The following NIPBL variants were observed in gnomAD, a reference collection of about 807,000 sequenced individuals.
NIPBL encodes nipped-B-like protein.
Under a neutral mutation model 321.8 loss-of-function variants are expected in NIPBL, and 19 were observed. That is an observed-to-expected ratio of 0.06 (90% CI 0.04 to 0.09). The LOEUF (loss-of-function observed/expected upper bound fraction) is 0.09. Among genes scored for constraint, NIPBL ranks in the 10% least tolerant of loss-of-function variants. NIPBL has a pLI of 1.00. For missense variants in NIPBL, 2,210 were observed against 3,327.0 expected, an observed-to-expected ratio of 0.66 and a Z score of 8.26; for synonymous variants, 1,106 against 1,114.1, an observed-to-expected ratio of 0.99 and a Z score of 0.14.
rs1453938230 is a variant in NIPBL, at chr5:36,985,823, ATCT to A, written c.2647_2649del (p.Ser883del). On this transcript the variant is annotated inframe_deletion, in exon 10 of 47. Coordinates refer to ENST00000282516, the MANE Select transcript of NIPBL (RefSeq NM_133433.4). ...AATCAGGGGACTCAAGGGAAAGACC[ATCT>A]TCTGGGGAACAAAAATCAAGACCTG... 6.2e-7 allele frequency: 1 copy of A among 1,613,966 alleles called. No individual in the cohort carries two copies. Among genetic ancestry groups the A allele is most frequent in the African/African-American group, 1.3e-5 (1 of 75,050 alleles).
rs764147606 is a variant in NIPBL at position 37,051,812 on chromosome 5, C to G, written c.6988C>G (p.Pro2330Ala). The G allele has an allele frequency of 2.5e-5, 41 of 1,613,316 alleles. No homozygotes were observed. Among genetic ancestry groups the G allele is most frequent in the Non-Finnish European group, 3.5e-5 (41 of 1,179,768 alleles). The change falls in exon 41 of 47, where the codon CCA becomes GCA. Residue 2330 changes from proline to alanine, a missense_variant. Physicochemically the swap from Pro to Ala is conservative, Grantham distance 27. This residue lies in a region of NIPBL where 112 missense variants were observed against 288.3 expected (regional missense o/e 0.39). Transcript: ENST00000282516. ...VPYLIAMGTD[P>A]EPAMRNKADQ... Reference sequence around the variant, plus strand: ...ATATTTAATTGCTATGGGCACAGACCCAGAACCTGCTATGCGGAACAAGGC... The same window carrying G: ...ATATTTAATTGCTATGGGCACAGACGCAGAACCTGCTATGCGGAACAAGGC...
chr5:36,922,555 T>A (rs953178515), intron 1 of NIPBL, among the ~76,000 whole-genome samples: 1 of 152,178 alleles, frequency 6.6e-6, no homozygotes, highest in African/African-American at 2.4e-5. Flanking sequence ...GCATACTGGA[T>A]ACTTATTTCT....
At chr5:36,885,281 G>T in intron 1 of NIPBL, 1 of 506,056 alleles carries the variant, frequency 2.0e-6, no homozygotes, top group Non-Finnish European at 4.0e-6. Context: ...CAGCTATGGT[G>T]CCTGACTGGT....
In NIPBL at chr5:37,008,102, A is replaced by G. The variant is rs377381536; in HGVS notation, c.4320+14A>G. ...TTAGTCACTGCAGTAAGTATAATCAATTTGTATTTTTAGTTACCCCACAAA... is the reference window on the plus strand; with the variant it reads ...TTAGTCACTGCAGTAAGTATAATCAGTTTGTATTTTTAGTTACCCCACAAA... On this transcript the variant is annotated intron_variant, in intron 19 of 46. Transcript: ENST00000282516. 494 of 1,545,634 alleles carry G rather than the reference A, an allele frequency of 3.2e-4. 2 individuals carry two copies. The African/African-American group carries it at 6.0e-3, about 19-fold the overall frequency.
Position 36,877,104 on chromosome 5 carries a change from C to T in NIPBL, c.-154C>T, listed in dbSNP as rs558867335. The T allele has an allele frequency of 8.2e-5, 29 of 352,336 alleles. No individual in the cohort carries two copies. Among genetic ancestry groups the T allele is most frequent in the East Asian group, 4.0e-4 (9 of 22,728 alleles). 21.8% of individuals were successfully genotyped at this position (352,336 alleles called of 1,614,324 possible). A position where few individuals can be genotyped will look rare whatever the true frequency, so the allele number is the denominator to read the frequency against. On this transcript the variant is annotated 5_prime_UTR_variant, in exon 1 of 47. Coordinates refer to ENST00000282516, the MANE Select transcript of NIPBL (RefSeq NM_133433.4). Reference sequence around the variant, plus strand: ...CGGAAGAGGAGCCGTAGCCACCCCCCCTCCCGGCCCGGATTATAGTCTCTC... The same window carrying T: ...CGGAAGAGGAGCCGTAGCCACCCCCTCTCCCGGCCCGGATTATAGTCTCTC...
chr5:36,894,422 A>G (rs1405240297), intron 1 of NIPBL, among the ~76,000 whole-genome samples: 2 of 152,196 alleles, frequency 1.3e-5, no homozygotes, highest in African/African-American at 4.8e-5. Flanking sequence ...ATTGTACTAT[A>G]CTATACTGTC....
intron 44 of NIPBL, 86 bp from the exon 45 acceptor site, chr5:37,060,758 T>TA: frequency 8.8e-7 from 1 of 1,137,942 alleles, no homozygotes; most frequent in Non-Finnish European, 1.3e-6. Context: ...ATTTCATTAA[T>TA]ATGGTGCTTC....
rs1290420448 is a variant in NIPBL, at chr5:37,064,569, G to A, written c.8092G>A (p.Ala2698Thr). The A allele has an allele frequency of 1.2e-6, 2 of 1,614,004 alleles. No individual in the cohort carries two copies. Among genetic ancestry groups the A allele is most frequent in the Non-Finnish European group, 1.7e-6 (2 of 1,180,034 alleles). Residue 2698 changes from alanine to threonine, a missense_variant, in exon 47 of 47, where the codon GCA (alanine) becomes ACA (threonine). This residue lies in a region of NIPBL where 159 missense variants were observed against 319.2 expected (regional missense o/e 0.50). Transcript: ENST00000282516. Reference sequence around the variant, plus strand: ...ACGAAATTCAGACTCTACGGAGTTGGCAGCACAGATGAATGAAAGTGTTGA... The same window carrying A: ...ACGAAATTCAGACTCTACGGAGTTGACAGCACAGATGAATGAAAGTGTTGA... ...SKRNSDSTEL[A>T]AQMNESVDVM... is the part of the protein sequence containing the mutation.
intron 1 of NIPBL, among the ~76,000 whole-genome samples, chr5:36,901,500 CTTTTTTTTTTT>C (rs35178851): frequency 1.3e-5 from 1 of 77,412 alleles, no homozygotes; most frequent in Non-Finnish European, 2.3e-5. Flanking sequence ...CTTCTAAGTC[CTTTTTTTTTTT>C]TTTTTTTTTT....
rs142923613 is a variant in NIPBL at position 36,962,199 on chromosome 5, G to A, written c.535G>A (p.Ala179Thr). The A allele has an allele frequency of 3.2e-3, 5,162 of 1,613,932 alleles. 20 individuals carry two copies. Among genetic ancestry groups the A allele is most frequent in the Non-Finnish European group, 3.0e-3 (3,553 of 1,179,938 alleles). Reference protein sequence around the residue: ...QQNSPVPSPYAPQSPAGYMPY... With the variant: ...QQNSPVPSPYTPQSPAGYMPY... ...AAATAGCCCAGTGCCTAGTCCATAC[G>A]CCCCACAAAGCCCTGCAGGATACAT... Residue 179 changes from alanine to threonine, a missense_variant, in exon 6 of 47, where the codon GCC becomes ACC. By Grantham distance (58) the Ala-to-Thr change is moderately conservative (BLOSUM62 0). Coordinates refer to ENST00000282516, the MANE Select transcript of NIPBL (RefSeq NM_133433.4).
At chr5:36,916,112 G>A (rs1206149207) in intron 1 of NIPBL, among the ~76,000 whole-genome samples, 1 of 152,190 alleles carries the variant, frequency 6.6e-6, no homozygotes, top group Non-Finnish European at 1.5e-5. Flanking sequence ...TTGAAGAAAA[G>A]GAAAGTTAGT....
rs371360817 is a variant in NIPBL, at chr5:36,998,281, GT to G, written c.3305-2082del. 4.5e-3 allele frequency among the ~76,000 whole-genome samples: 658 copies of G among 147,406 alleles called. 2 individuals are homozygous for G. The highest frequency in any genetic ancestry group is 0.015 in the African/African-American group (610 of 40,202). On this transcript the variant is annotated intron_variant, in intron 11 of 46. Coordinates refer to ENST00000282516, the MANE Select transcript of NIPBL (RefSeq NM_133433.4). Reference sequence around the variant, plus strand: ...TATAACACAATGTGTTATGGAAGTTGTTTTTTTTTTAATTTGTCACCCCATT... The same window carrying G: ...TATAACACAATGTGTTATGGAAGTTGTTTTTTTTTAATTTGTCACCCCATT...
intron 40 of NIPBL, 173 bp from the exon 41 acceptor site, chr5:37,051,606 A>C: frequency 1.6e-6 from 1 of 616,154 alleles, no homozygotes; most frequent in Non-Finnish European, 2.9e-6. Context: ...TTCTGGATTT[A>C]AGCTGAATCT....
intron 19 of NIPBL, 128 bp downstream of exon 19, chr5:37,008,216 A>G (rs1015853364): frequency 7.3e-6 from 5 of 683,874 alleles, no homozygotes; most frequent in African/African-American, 5.4e-5. Context: ...TCTAAGGACT[A>G]TTTTACTAAG....
chr5:36,920,494 G>A (rs546874606), intron 1 of NIPBL, among the ~76,000 whole-genome samples: 94 of 152,148 alleles, frequency 6.2e-4, no homozygotes, highest in African/African-American at 2.0e-3. Context: ...GTCAAACTTG[G>A]GAATCTAATG....
At chr5:36,919,330 T>C (rs1010827382) in intron 1 of NIPBL, among the ~76,000 whole-genome samples, 1 of 152,042 alleles carries the variant, frequency 6.6e-6, no homozygotes, top group Non-Finnish European at 1.5e-5. Flanking sequence ...TATGCTGATA[T>C]AGTATGTCTC....
At chr5:37,016,944 G>A (rs1030381159) in intron 23 of NIPBL, 75 bp from the exon 24 acceptor site, 10 of 1,013,648 alleles carry the variant, frequency 9.9e-6, no homozygotes, top group Admixed American at 2.6e-5. Context: ...TTTAGATTGG[G>A]AATTTATATG....
At chr5:36,884,834 T>TG (rs1201584336) in intron 1 of NIPBL, among the ~76,000 whole-genome samples, 7 of 152,164 alleles carry the variant, frequency 4.6e-5, no homozygotes, top group Admixed American at 1.3e-4. Flanking sequence ...CTTCTTGCTT[T>TG]GGGGGTAGGA....
intron 16 of NIPBL, among the ~76,000 whole-genome samples, chr5:37,004,182 T>A (rs1207497932): frequency 6.6e-6 from 1 of 152,216 alleles, no homozygotes; most frequent in African/African-American, 2.4e-5. Flanking sequence ...GTTACTATAT[T>A]TTAATATGCT....
Sources: allele counts gnomAD v4.1 joint callset (sites outside exome capture counted in the v4.1 genomes callset), GRCh38; gene constraint gnomAD v4.1.1; regional missense constraint gnomAD v4.1.1; transcripts MANE v1.5; gene names NCBI Gene and HGNC (gene_info 2026-07-23, HGNC 2026-07-21).